GPC5: variants seen among roughly 807,000 people sequenced by gnomAD.
GPC5 encodes the protein glypican-5.
A neutral mutation model predicts 53.9 loss-of-function variants in GPC5; 47 were observed. The observed-to-expected ratio is 0.87, with a 90% CI of 0.69 to 1.11. The LOEUF (loss-of-function observed/expected upper bound fraction) is 1.11, where lower values mean the gene tolerates loss of function less well. Ranked by LOEUF, GPC5 falls within the 50% of genes most tolerant of loss-of-function variation. GPC5 has a pLI of 0.00. For missense variants in GPC5, 748 were observed against 713.1 expected, an observed-to-expected ratio of 1.05 and a Z score of -0.56; for synonymous variants, 286 against 263.3, an observed-to-expected ratio of 1.09 and a Z score of -0.84.
intron 2 of GPC5, among the ~76,000 whole-genome samples, chr13:91,511,521 G>T (rs1885227967): frequency 6.6e-6 from 1 of 151,812 alleles, no homozygotes. Context: ...CAAACCTCAG[G>T]CTTTGCTCAT....
At chr13:92,711,499 C>T (rs1888138788) in intron 7 of GPC5, among the ~76,000 whole-genome samples, 1 of 152,006 alleles carries the variant, frequency 6.6e-6, no homozygotes, top group African/African-American at 2.4e-5. Flanking sequence ...CCTATAATTA[C>T]AGTTGGAGCA....
At chr13:92,214,497 T>C (rs2042396492) in intron 7 of GPC5, among the ~76,000 whole-genome samples, 1 of 152,166 alleles carries the variant, frequency 6.6e-6, no homozygotes, top group Admixed American at 6.5e-5. Context: ...TTAACTCCTT[T>C]AAGCCTTCAG....
At chr13:91,642,033 C>T (rs1248340692) in intron 2 of GPC5, among the ~76,000 whole-genome samples, 3 of 152,034 alleles carry the variant, frequency 2.0e-5, no homozygotes, top group African/African-American at 7.2e-5. Flanking sequence ...GTGGTAAATG[C>T]CATTCACAAA....
intron 6 of GPC5, among the ~76,000 whole-genome samples, chr13:92,050,723 G>A (rs762738146): frequency 1.3e-5 from 2 of 152,188 alleles, no homozygotes; most frequent in East Asian, 3.9e-4. Context: ...ATTTGAGTCT[G>A]TATAATAGAA....
intron 7 of GPC5, among the ~76,000 whole-genome samples, chr13:92,444,715 TAA>T (rs71910602): frequency 0.054 from 4,513 of 84,084 alleles, 108 homozygotes; most frequent in African/African-American, 0.13. Flanking sequence ...TCCTGAAATC[TAA>T]AAAAAAAAAA....
chr13:92,751,636 T>C (rs892809478), intron 7 of GPC5, among the ~76,000 whole-genome samples: 5 of 150,244 alleles, frequency 3.3e-5, no homozygotes, highest in Non-Finnish European at 4.4e-5. Flanking sequence ...GTAGAAGATA[T>C]ACCTAATGTA....
chr13:92,111,655 T>C (rs1211189986), intron 6 of GPC5, among the ~76,000 whole-genome samples: 1 of 151,320 alleles, frequency 6.6e-6, no homozygotes, highest in Non-Finnish European at 1.5e-5. Context: ...ACTTTGGAAA[T>C]ACAAAGAGAA....
chr13:91,571,993 A>G (rs1401590942), intron 2 of GPC5, among the ~76,000 whole-genome samples: 2 of 144,562 alleles, frequency 1.4e-5, no homozygotes, highest in Non-Finnish European at 3.0e-5. Flanking sequence ...ATATATGTGT[A>G]TATGTGTATA....
intron 7 of GPC5, among the ~76,000 whole-genome samples, chr13:92,647,400 G>A (rs1247920779): frequency 6.6e-6 from 1 of 152,092 alleles, no homozygotes; most frequent in Non-Finnish European, 1.5e-5. Context: ...TCAGGGCCAG[G>A]CAATGAGATT....
intron 3 of GPC5, among the ~76,000 whole-genome samples, chr13:91,701,518 T>G (rs2035991387): frequency 6.6e-6 from 1 of 151,984 alleles, no homozygotes; most frequent in African/African-American, 2.4e-5. Context: ...ATGACAGAAT[T>G]TCTTTCTTTT....
In GPC5 at chr13:92,374,853, T is replaced by TA. The variant is rs60231751; in HGVS notation, c.1561+229877dup. ...ATGTACCCTAAAACTTAAAGTATAA[T>TA]AAAAAAAAAAAAATAGAAAAAAAAA... On this transcript the variant is annotated intron_variant, in intron 7 of 7. Coordinates refer to ENST00000377067, the MANE Select transcript of GPC5 (RefSeq NM_004466.6). Among the ~76,000 whole-genome samples the TA allele has an allele frequency of 5.9e-3, 729 of 124,606 alleles. 6 individuals carry two copies. Among genetic ancestry groups the TA allele is most frequent in the Non-Finnish European group, 7.7e-3 (447 of 58,018 alleles). The allele number at this position is 124,606 out of a possible 152,430, so 81.7% of individuals were successfully genotyped here. A position where few individuals can be genotyped will look rare whatever the true frequency, so the allele number is the denominator to read the frequency against.
intron 1 of GPC5, among the ~76,000 whole-genome samples, chr13:91,439,003 G>T (rs538387070): frequency 6.6e-6 from 1 of 152,188 alleles, no homozygotes; most frequent in Non-Finnish European, 1.5e-5. Flanking sequence ...TGCTCAGTAG[G>T]AAATGCAGAA....
intron 7 of GPC5, among the ~76,000 whole-genome samples, chr13:92,201,994 C>T (rs1044869236): frequency 6.6e-6 from 1 of 152,030 alleles, no homozygotes; most frequent in African/African-American, 2.4e-5. Flanking sequence ...GTGCTATCAC[C>T]AACTAATTGT....
At chr13:91,832,099 T>G (rs1285548708) in intron 5 of GPC5, among the ~76,000 whole-genome samples, 1 of 151,974 alleles carries the variant, frequency 6.6e-6, no homozygotes, top group Non-Finnish European at 1.5e-5. Flanking sequence ...AGTTTAAATC[T>G]CTTTGTAGGT....
intron 6 of GPC5, among the ~76,000 whole-genome samples, chr13:92,108,398 A>G (rs2041526888): frequency 6.6e-6 from 1 of 152,202 alleles, no homozygotes; most frequent in Admixed American, 6.5e-5. Context: ...ATTAGACATT[A>G]TTAAAATTAA....
intron 6 of GPC5, among the ~76,000 whole-genome samples, chr13:92,124,751 A>T (rs2041680994): frequency 6.6e-6 from 1 of 151,986 alleles, no homozygotes. Flanking sequence ...GAGCAGGATA[A>T]AAAAAAACTG....
chr13:92,700,608 C>G (rs1022145251), intron 7 of GPC5, among the ~76,000 whole-genome samples: 1 of 152,012 alleles, frequency 6.6e-6, no homozygotes, highest in African/African-American at 2.4e-5. Flanking sequence ...GTTTCTGCTT[C>G]TATTGCAATG....
chr13:92,316,602 G>T (rs1016626732), intron 7 of GPC5, among the ~76,000 whole-genome samples: 8 of 152,126 alleles, frequency 5.3e-5, no homozygotes, highest in South Asian at 2.1e-4. Flanking sequence ...TACTGAATAA[G>T]CACCGAGGGC....
At chr13:91,636,354 A>C (rs577932184) in intron 2 of GPC5, among the ~76,000 whole-genome samples, 2 of 151,370 alleles carry the variant, frequency 1.3e-5, no homozygotes, top group Non-Finnish European at 2.9e-5. Flanking sequence ...CATTAAAAAC[A>C]TATATAGTGT....
Sources: gnomAD v4.1 joint callset for allele counts (sites outside exome capture counted in the v4.1 genomes callset) on GRCh38, gnomAD v4.1.1 for gene constraint, MANE v1.5 for transcripts, NCBI Gene and HGNC (gene_info 2026-07-23, HGNC 2026-07-21) for gene names.